DLGAP1: variants seen among roughly 807,000 people sequenced by gnomAD.
DLGAP1 encodes DLG associated protein 1.
Under a neutral mutation model 90.8 loss-of-function variants are expected in DLGAP1, and 11 were observed. The observed-to-expected ratio is 0.12, with a 90% CI of 0.08 to 0.20. The LOEUF is 0.20. DLGAP1 is among the 10% of genes least tolerant of loss of function. The pLI is 1.00. For synonymous variants in DLGAP1, 558 were observed against 540.7 expected (o/e 1.03, Z -0.44); for missense variants, 1,050 against 1,333.8 (o/e 0.79, Z 3.31).
chr18:3,748,783 T>A (rs1448036704), intron 5 of DLGAP1, among the ~76,000 whole-genome samples: 2 of 152,332 alleles, frequency 1.3e-5, no homozygotes, highest in East Asian at 3.9e-4. Flanking sequence ...TCTGTTGAAC[T>A]AGTTTCAGGG....
At chr18:4,119,648 GA>G (rs1283823411) in intron 2 of DLGAP1, among the ~76,000 whole-genome samples, 1 of 152,162 alleles carries the variant, frequency 6.6e-6, no homozygotes, top group East Asian at 1.9e-4. Context: ...CAGGGCTCCA[GA>G]CTTCCAACTC....
At chr18:3,835,200 A>G (rs575953714) in intron 4 of DLGAP1, among the ~76,000 whole-genome samples, 96 of 152,312 alleles carry the variant, frequency 6.3e-4, no homozygotes, top group East Asian at 9.6e-4. Flanking sequence ...TTAGCTGTTT[A>G]TCCAGCAGCC....
chr18:3,704,758 T>C (rs888915508), intron 7 of DLGAP1, among the ~76,000 whole-genome samples: 1 of 151,930 alleles, frequency 6.6e-6, no homozygotes, highest in African/African-American at 2.4e-5. Flanking sequence ...GCCCACTGGG[T>C]TGGAGGTATC....
intron 9 of DLGAP1, among the ~76,000 whole-genome samples, chr18:3,550,734 C>CT (rs1165404588): frequency 0.34 from 29,625 of 85,924 alleles, 5,084 homozygotes; most frequent in East Asian, 0.39. Flanking sequence ...GAACCAGACC[C>CT]TTTTTTTTTT....
intron 5 of DLGAP1, chr18:3,770,963 G>C (rs2064503925): frequency 6.6e-6 from 1 of 152,066 alleles, no homozygotes; most frequent in Non-Finnish European, 1.5e-5. Flanking sequence ...CTTATGCCTT[G>C]GGTGAAAGAA....
chr18:4,174,968 C>A (rs1344504002), intron 1 of DLGAP1, among the ~76,000 whole-genome samples: 1 of 152,128 alleles, frequency 6.6e-6, no homozygotes, highest in African/African-American at 2.4e-5. Flanking sequence ...TGTAGTTTTC[C>A]ACAGTGTATA....
At chr18:3,698,376 C>T (rs2061167082) in intron 7 of DLGAP1, among the ~76,000 whole-genome samples, 1 of 152,140 alleles carries the variant, frequency 6.6e-6, no homozygotes, top group Admixed American at 6.6e-5. Flanking sequence ...GTAAGGCAGG[C>T]CTGGTGGTGA....
At chr18:4,218,925 G>A (rs907402949) in intron 1 of DLGAP1, among the ~76,000 whole-genome samples, 1 of 151,276 alleles carries the variant, frequency 6.6e-6, no homozygotes, top group Non-Finnish European at 1.5e-5. Context: ...GAATAATGCT[G>A]CAATAGGCAT....
In DLGAP1 at chr18:4,454,598, C is replaced by A. The variant is rs1219868799; in HGVS notation, c.-267+408G>T. 6.6e-6 allele frequency among the ~76,000 whole-genome samples: 1 copy of A among 152,112 alleles called. No individual in the cohort carries two copies. The highest frequency in any genetic ancestry group is 1.5e-5 in the Non-Finnish European group (1 of 68,016). On this transcript the variant is annotated intron_variant, in intron 1 of 12. Coordinates refer to ENST00000315677, the MANE Select transcript of DLGAP1 (RefSeq NM_004746.4). This position sits in a 1 kb window ranked among gnomAD's most constrained non-coding sequence, Gnocchi z 4.7. ...CCTGCGGGGAGCAGCCCCCTCCTCCCCTGCAAGGTGCATCGGGGGTGGGGT... is the reference window on the plus strand; with the variant it reads ...CCTGCGGGGAGCAGCCCCCTCCTCCACTGCAAGGTGCATCGGGGGTGGGGT...
intron 1 of DLGAP1, among the ~76,000 whole-genome samples, chr18:4,259,363 C>T (rs1371782489): frequency 2.0e-5 from 3 of 152,170 alleles, no homozygotes; most frequent in African/African-American, 7.2e-5. Flanking sequence ...CTCAAAAAGT[C>T]ATTTAGAAGA....
At chr18:3,500,330 G>A (rs1402714823) in intron 12 of DLGAP1, among the ~76,000 whole-genome samples, 1 of 152,072 alleles carries the variant, frequency 6.6e-6, no homozygotes, top group Non-Finnish European at 1.5e-5. Flanking sequence ...AGGCAAAGAA[G>A]GTTGAAGTTG....
intron 5 of DLGAP1, among the ~76,000 whole-genome samples, chr18:3,772,366 TTCTTTCTTTCTTTCTTTC>T (rs2064684830): frequency 6.4e-5 from 1 of 15,540 alleles, no homozygotes; most frequent in Non-Finnish European, 1.5e-4. Flanking sequence ...CTTTCTTTCT[TTCTTTCTTTCTTTCTTTC>T]TTTCTTTCTT....
intron 3 of DLGAP1, chr18:3,896,668 A>C (rs1409601962): frequency 6.6e-6 from 1 of 152,272 alleles, no homozygotes; most frequent in African/African-American, 2.4e-5. Flanking sequence ...TGTGGACTGA[A>C]GGACATCGGA....
intron 1 of DLGAP1, chr18:4,294,971 C>T (rs12956546): frequency 0.25 from 38,295 of 152,538 alleles, 4,956 homozygotes; most frequent in African/African-American, 0.28. Flanking sequence ...ATTGTTCTGC[C>T]ATCCAGTTTG....
At chr18:4,067,622 T>C (rs2075388917) in intron 2 of DLGAP1, among the ~76,000 whole-genome samples, 2 of 151,940 alleles carry the variant, frequency 1.3e-5, no homozygotes, top group South Asian at 2.1e-4. Flanking sequence ...GAAACTTTTA[T>C]GACCTATTCT....
intron 9 of DLGAP1, among the ~76,000 whole-genome samples, chr18:3,550,116 G>A (rs1031397308): frequency 6.6e-6 from 1 of 151,590 alleles, no homozygotes. Context: ...GTTTCACCAT[G>A]TTGGCCAGGC....
At chr18:3,883,401 T>C (rs1235644114) in intron 3 of DLGAP1, among the ~76,000 whole-genome samples, 1 of 152,234 alleles carries the variant, frequency 6.6e-6, no homozygotes, top group African/African-American at 2.4e-5. Flanking sequence ...CTATCCATGC[T>C]TTGTGAAGCT....
chr18:3,823,058 T>TA lies in DLGAP1; in HGVS notation c.958-8786dup, dbSNP rs2067509050. Among the ~76,000 whole-genome samples, 2 of 152,248 alleles carry TA rather than the reference T, an allele frequency of 1.3e-5. 1 individual carries two copies. The highest frequency in any genetic ancestry group is 4.1e-4 in the South Asian group (2 of 4,836). ...CACCCACTATTTTGACGGTAGTGAA[T>TA]ACGTATAGGTTTAGCTATCCCAGTT... On this transcript the variant is annotated intron_variant, in intron 4 of 12. Coordinates refer to ENST00000315677, the MANE Select transcript of DLGAP1 (RefSeq NM_004746.4).
chr18:3,517,323 C>A lies in DLGAP1; in HGVS notation c.2480-8662G>T, dbSNP rs1233318800. Among the ~76,000 whole-genome samples the A allele has an allele frequency of 5.9e-5, 9 of 152,200 alleles. No homozygotes were observed. Among genetic ancestry groups the A allele is most frequent in the African/African-American group, 1.7e-4 (7 of 41,462 alleles). ...AGGCTGTTTTGTCTACATTGAAAAT[C>A]TGTTGTTTAGTGTAATCATCTTCAT... On this transcript the variant is annotated intron_variant, in intron 10 of 12. Transcript: ENST00000315677. This position sits in a 1 kb window ranked among gnomAD's most constrained non-coding sequence, Gnocchi z 4.1.
Sources: allele counts gnomAD v4.1 joint callset (sites outside exome capture counted in the v4.1 genomes callset), GRCh38; gene constraint gnomAD v4.1.1; non-coding constraint Gnocchi (gnomAD v3.1); transcripts MANE v1.5; gene names NCBI Gene and HGNC (gene_info 2026-07-23, HGNC 2026-07-21).